GRHL3: variants seen among roughly 807,000 people sequenced by gnomAD.
GRHL3 encodes grainyhead-like protein 3 homolog.
GRHL3 carries 20 observed loss-of-function variants against 70.3 expected under a neutral mutation model. The ratio of observed to expected loss-of-function variants is 0.28; its 90% CI spans 0.20 to 0.41. GRHL3 has a LOEUF of 0.41. Among genes scored for constraint, GRHL3 ranks in the 10% least tolerant of loss-of-function variants. The probability of loss-of-function intolerance (pLI) is 1.00; values close to 1 mark genes in which losing one functional copy is unlikely to be tolerated. For synonymous variants in GRHL3, 299 were observed against 299.9 expected, an observed-to-expected ratio of 1.00 and a Z score of 0.03; for missense variants, 637 against 762.3, an observed-to-expected ratio of 0.84 and a Z score of 1.94.
chr1:24,319,919 T>C, intron 1 of GRHL3: 1 of 378,620 alleles, frequency 2.6e-6, no homozygotes, highest in South Asian at 2.6e-5. Context: ...TTCTATCTTC[T>C]TGCCAAAAGG....
rs1349402330 is a variant in GRHL3, at chr1:24,319,508, C to G, written c.-44C>G. 6.4e-7 allele frequency: 1 copy of G among 1,558,394 alleles called. No homozygotes were observed. The highest frequency in any genetic ancestry group is 1.7e-5 in the Admixed American group (1 of 59,968). On this transcript the variant is annotated 5_prime_UTR_variant, in exon 1 of 16. Transcript: ENST00000361548. ...CAGGCAAGAATTAGAGACAAGCGGT[C>G]AGCAGAGCCTCAGTGCTGATCGTCG...
intron 8 of GRHL3, 43 bp downstream of exon 8, chr1:24,339,805 G>A: frequency 1.5e-6 from 2 of 1,319,664 alleles, no homozygotes; most frequent in South Asian, 1.3e-5. Flanking sequence ...TGGGCTGCCT[G>A]GAAGTCCCTA....
At chr1:24,338,870 C>T (rs1009215604) in intron 7 of GRHL3, among the ~76,000 whole-genome samples, 4 of 152,186 alleles carry the variant, frequency 2.6e-5, no homozygotes, top group African/African-American at 9.7e-5. Context: ...CTCTGAGCTT[C>T]GTTTTCCTCA....
chr1:24,346,566 C>T lies in GRHL3; in HGVS notation c.1468C>T (p.Arg490Cys), dbSNP rs375906769. Reference sequence around the variant, plus strand: ...CCATCCCCACAGGCTGCCTCTGAAGCGTACCTGCTCGCCCTTCACTGAGGA... The same window carrying T: ...CCATCCCCACAGGCTGCCTCTGAAGTGTACCTGCTCGCCCTTCACTGAGGA... ...PSSSNRLPLKRTCSPFTEEFE... is the reference protein window; with the variant it reads ...PSSSNRLPLKCTCSPFTEEFE... Residue 490 changes from arginine to cysteine, a missense_variant, in exon 13 of 16, where the codon CGT (arginine) becomes TGT (cysteine). Arg to Cys is a radical substitution (Grantham distance 180). This residue lies in a region of GRHL3 where 387 missense variants were observed against 513.8 expected (regional missense o/e 0.75). Transcript: ENST00000361548. 75 of 1,612,526 alleles carry T rather than the reference C, an allele frequency of 4.7e-5. No homozygotes were observed. The highest frequency in any genetic ancestry group is 9.3e-5 in the African/African-American group (7 of 74,906).
downstream of GRHL3, chr1:24,358,634 A>G (rs776246644): frequency 6.9e-6 from 11 of 1,602,156 alleles, no homozygotes; most frequent in African/African-American, 1.2e-4. Flanking sequence ...GAGGGGACAG[A>G]GAGGCGGAGG....
Position 24,341,628 on chromosome 1 carries a change from G to A in GRHL3, c.1048-487G>A, listed in dbSNP as rs371332442. Among the ~76,000 whole-genome samples the A allele has an allele frequency of 3.0e-4, 45 of 152,294 alleles. No individual in the cohort carries two copies. The South Asian group carries it at 9.1e-3, about 31-fold the overall frequency. On this transcript the variant is annotated intron_variant, in intron 8 of 15. Coordinates refer to ENST00000361548, the MANE Select transcript of GRHL3 (RefSeq NM_198173.3). Reference sequence around the variant, plus strand: ...CTCACTAGAGGGTCCTGCTATGGCTGGAGTGGGTGGTTGGGGTGGAGAGGG... The same window carrying A: ...CTCACTAGAGGGTCCTGCTATGGCTAGAGTGGGTGGTTGGGGTGGAGAGGG...
At chr1:24,319,739 A>G in intron 1 of GRHL3, 171 bp downstream of exon 1, 1 of 1,539,276 alleles carries the variant, frequency 6.5e-7, no homozygotes, top group Non-Finnish European at 8.7e-7. Flanking sequence ...CCCCAGTCTC[A>G]AGCTAGAGGT....
intron 1 of GRHL3, among the ~76,000 whole-genome samples, chr1:24,330,069 T>A (rs546490206): frequency 8.5e-4 from 130 of 152,348 alleles, no homozygotes; most frequent in African/African-American, 3.1e-3. Flanking sequence ...TGTGTGTTTT[T>A]AAATTAATTT....
At chr1:24,358,193 T>A, downstream of GRHL3, 1 of 527,370 alleles carries the variant, frequency 1.9e-6, no homozygotes, top group Non-Finnish European at 3.7e-6. Context: ...TGATCCTCCT[T>A]GAAGTCTGCG....
At chr1:24,348,345 G>T (rs773474133) in intron 14 of GRHL3, among the ~76,000 whole-genome samples, 2 of 152,170 alleles carry the variant, frequency 1.3e-5, no homozygotes, top group African/African-American at 4.8e-5. Context: ...CACAGCCTCC[G>T]AGAGGTCAGG....
chr1:24,335,777 T>C (rs962113963), intron 3 of GRHL3, among the ~76,000 whole-genome samples: 2 of 151,866 alleles, frequency 1.3e-5, no homozygotes, highest in African/African-American at 4.8e-5. Context: ...AGAGATGGGG[T>C]TTCACCATAT....
At chr1:24,339,424 C>T (rs866241707) in intron 7 of GRHL3, among the ~76,000 whole-genome samples, 35 of 152,230 alleles carry the variant, frequency 2.3e-4, no homozygotes, top group Middle Eastern at 3.4e-3. Context: ...AGACTACAGG[C>T]GCCTGCCACC....
intron 1 of GRHL3, among the ~76,000 whole-genome samples, chr1:24,329,814 C>T (rs1639535361): frequency 6.6e-6 from 1 of 152,172 alleles, no homozygotes; most frequent in Non-Finnish European, 1.5e-5. Flanking sequence ...ATCTCTGGGG[C>T]TCTCTCTTCA....
intron 7 of GRHL3, 143 bp from the exon 8 acceptor site, chr1:24,339,523 CCT>C: frequency 1.8e-6 from 1 of 548,958 alleles, no homozygotes; most frequent in Non-Finnish European, 3.4e-6. Context: ...TTGTGATCCC[CCT>C]GCCTCGGCCT....
At chr1:24,352,625 G>A (rs559226684) in intron 15 of GRHL3, among the ~76,000 whole-genome samples, 19 of 152,302 alleles carry the variant, frequency 1.2e-4, no homozygotes, top group African/African-American at 4.6e-4. Flanking sequence ...GGAGTGGGAC[G>A]GATCCAGCCT....
Position 24,342,367 on chromosome 1 carries a change from GTC to G in GRHL3, c.1206+102_1206+103del, listed in dbSNP as rs1640077878. On this transcript the variant is annotated intron_variant, in intron 9 of 15. Coordinates refer to ENST00000361548, the MANE Select transcript of GRHL3 (RefSeq NM_198173.3). This position sits in a 1 kb window ranked among gnomAD's most constrained non-coding sequence, Gnocchi z 4.8. ...TCCTCCTAGCTTCTCTGGGTTGTCT[GTC>G]TCTCTCTGTTTTTCTATCCCTTCTC... The G allele has an allele frequency of 1.8e-6, 2 of 1,082,034 alleles. No individual in the cohort carries two copies. The highest frequency in any genetic ancestry group is 1.6e-5 in the African/African-American group (1 of 63,420). 67.0% of individuals were successfully genotyped at this position (1,082,034 alleles called of 1,614,324 possible).
intron 1 of GRHL3, chr1:24,323,233 T>C: frequency 1.4e-6 from 1 of 702,234 alleles, no homozygotes; most frequent in Non-Finnish European, 2.5e-6. Context: ...AACAGTGTTC[T>C]CAAACTGTGG....
At chr1:24,331,770 G>T (rs947124875) in intron 2 of GRHL3, among the ~76,000 whole-genome samples, 158 bp downstream of exon 2, 9 of 151,934 alleles carry the variant, frequency 5.9e-5, no homozygotes, top group African/African-American at 2.2e-4. Flanking sequence ...CTTTCCCATG[G>T]CTAACCCCTA....
At chr1:24,350,642 C>G (rs189255743) in intron 15 of GRHL3, among the ~76,000 whole-genome samples, 43 of 152,302 alleles carry the variant, frequency 2.8e-4, no homozygotes, top group African/African-American at 1.0e-3. Flanking sequence ...GCAGGCCCAA[C>G]AAAGTTGTTA....
Sources: allele counts gnomAD v4.1 joint callset (sites outside exome capture counted in the v4.1 genomes callset), GRCh38; gene constraint gnomAD v4.1.1; regional missense constraint gnomAD v4.1.1; non-coding constraint Gnocchi (gnomAD v3.1); transcripts MANE v1.5; gene names NCBI Gene and HGNC (gene_info 2026-07-23, HGNC 2026-07-21).